The following USP13 variants were observed in gnomAD, a reference collection of about 807,000 sequenced individuals.
The protein encoded by USP13 is ubiquitin carboxyl-terminal hydrolase 13.
A neutral mutation model predicts 107.8 loss-of-function variants in USP13; 68 were observed. The observed-to-expected ratio is 0.63, with a 90% CI of 0.52 to 0.77. USP13 has a LOEUF of 0.77. USP13 is among the 30% of genes least tolerant of loss of function. The pLI is 0.00. For missense variants in USP13, 945 were observed against 1,093.3 expected, an observed-to-expected ratio of 0.86 and a Z score of 1.91; for synonymous variants, 377 against 389.5, an observed-to-expected ratio of 0.97 and a Z score of 0.38.
At chr3:179,726,825 G>A (rs1319745488) in intron 8 of USP13, among the ~76,000 whole-genome samples, 1 of 152,030 alleles carries the variant, frequency 6.6e-6, no homozygotes, top group African/African-American at 2.4e-5. Context: ...TTATAGGTAT[G>A]TACCACTGCA....
chr3:179,715,275 C>G (rs997041779), intron 6 of USP13, among the ~76,000 whole-genome samples: 1 of 151,870 alleles, frequency 6.6e-6, no homozygotes, highest in East Asian at 1.9e-4. Flanking sequence ...ATCCTCCTGC[C>G]TCAGCCTCTA....
At chr3:179,771,596 C>T (rs1197011009) in intron 19 of USP13, among the ~76,000 whole-genome samples, 1 of 152,148 alleles carries the variant, frequency 6.6e-6, no homozygotes, top group African/African-American at 2.4e-5. Context: ...TCTGATGCAG[C>T]TTAAACTTGA....
In USP13 at chr3:179,721,489, A is replaced by T. The variant is rs767730201; in HGVS notation, c.988A>T (p.Met330Leu). ...GGAGTCGGGCACGAAACTGAAGCCA[A>T]TGTATGGTCCTGGCTACACGGGTCT... ...IQESGTKLKP[M>L]YGPGYTGLKN... The change falls in exon 8 of 21, where the codon ATG (methionine) becomes TTG (leucine). Residue 330 changes from methionine (M) to leucine (L), a missense_variant. By Grantham distance (15) the Met-to-Leu change is conservative. Coordinates refer to ENST00000263966, the MANE Select transcript of USP13 (RefSeq NM_003940.3). The surrounding 1 kb of genome is among the most constrained non-coding windows in gnomAD (Gnocchi z 4.3). 1 of 1,614,190 alleles carries T rather than the reference A, an allele frequency of 6.2e-7. No homozygotes were observed. Among genetic ancestry groups the T allele is most frequent in the Non-Finnish European group, 8.5e-7 (1 of 1,180,036 alleles).
intron 19 of USP13, 30 bp downstream of exon 19, chr3:179,765,878 C>A (rs374791223): frequency 6.2e-7 from 1 of 1,608,066 alleles, no homozygotes; most frequent in South Asian, 1.1e-5. Context: ...GCTGTCTGAG[C>A]AGTCAGAACT....
intron 1 of USP13, among the ~76,000 whole-genome samples, chr3:179,661,894 T>C (rs1720467395): frequency 6.6e-6 from 1 of 152,120 alleles, no homozygotes; most frequent in African/African-American, 2.4e-5. Flanking sequence ...ACCTGGTCGA[T>C]GTGAGGTTTT....
chr3:179,776,912 G>T (rs1341444800), intron 19 of USP13, among the ~76,000 whole-genome samples: 9 of 121,772 alleles, frequency 7.4e-5, no homozygotes, highest in Non-Finnish European at 1.3e-4. Flanking sequence ...ACTTAGAGAA[G>T]AATCAACAGT....
intron 1 of USP13, among the ~76,000 whole-genome samples, chr3:179,676,273 G>A (rs1178182303): frequency 6.6e-6 from 1 of 152,150 alleles, no homozygotes; most frequent in African/African-American, 2.4e-5. Flanking sequence ...TTTCATTATA[G>A]TAGTGTGAGA....
chr3:179,655,675 C>T (rs1464068758), intron 1 of USP13, among the ~76,000 whole-genome samples: 2 of 151,906 alleles, frequency 1.3e-5, no homozygotes, highest in African/African-American at 4.8e-5. Context: ...CTGCCTCAGC[C>T]TGCCAAGTAG....
chr3:179,667,456 T>G (rs1720619924), intron 1 of USP13, among the ~76,000 whole-genome samples: 1 of 152,224 alleles, frequency 6.6e-6, no homozygotes, highest in African/African-American at 2.4e-5. Context: ...ACAAGGTGGT[T>G]TCACATTTTC....
rs767852856 is a variant in USP13 at position 179,757,019 on chromosome 3, G to T, written c.1922-33G>T. The T allele has an allele frequency of 4.0e-5, 64 of 1,612,820 alleles. No homozygotes were observed. In the South Asian group the frequency reaches 6.9e-4, roughly 17 times the overall value. On this transcript the variant is annotated intron_variant, in intron 15 of 20. Transcript: ENST00000263966. ...TTCTAAAACTCCTCAACATGGTTTG[G>T]TCTCATTTTCTGTCCTCTCCCTTAA...
rs370742776 is a variant in USP13 at position 179,754,848 on chromosome 3, T to C, written c.1915T>C (p.Ser639Pro). The C allele has an allele frequency of 4.3e-6, 7 of 1,609,538 alleles. No homozygotes were observed. The highest frequency in any genetic ancestry group is 1.1e-5 in the South Asian group (1 of 89,924). Residue 639 changes from serine to proline, a missense_variant, in exon 15 of 21, where the codon TCA (serine) becomes CCA (proline). By Grantham distance (74) the Ser-to-Pro change is moderately conservative. Transcript: ENST00000263966. ...ISPPIVIPDD[S>P]KDRLMNQLID... is the part of the protein sequence containing the mutation. ...CCCCCCCATAGTCATTCCTGATGAC[T>C]CAAAAGGTACCATCTCCTGCCAGGA...
intron 8 of USP13, among the ~76,000 whole-genome samples, chr3:179,728,027 T>C (rs1481408356): frequency 2.3e-4 from 9 of 39,896 alleles, no homozygotes; most frequent in East Asian, 1.2e-3. Flanking sequence ...GGGGGGCTGA[T>C]CCCCACCACC....
At position 179,730,672 on chromosome 3, in the gene USP13, C is replaced by A; in HGVS notation, c.1217C>A (p.Ser406Tyr). The change falls in exon 10 of 21, where the codon TCT (serine) becomes TAT (tyrosine). Residue 406 changes from serine to tyrosine, a missense_variant. Physicochemically the swap from Ser to Tyr is moderately radical, Grantham distance 144. Coordinates refer to ENST00000263966, the MANE Select transcript of USP13 (RefSeq NM_003940.3). ...CAGTATTCAAAGCCTCCGGTGAAAT[C>A]TGAACTCATTGAACAGGTGATGAAG... is the stretch of plus-strand genomic sequence containing the variant. Reference protein sequence around the residue: ...SGQYSKPPVKSELIEQVMKEE... With the variant: ...SGQYSKPPVKYELIEQVMKEE... The A allele has an allele frequency of 3.1e-6, 5 of 1,614,150 alleles. No individual in the cohort carries two copies. The highest frequency in any genetic ancestry group is 4.2e-6 in the Non-Finnish European group (5 of 1,180,004).
At chr3:179,754,664 T>A (rs780937980) in intron 14 of USP13, 68 bp from the exon 15 acceptor site, 292 of 1,553,170 alleles carry the variant, frequency 1.9e-4, no homozygotes, top group Non-Finnish European at 2.5e-4. Flanking sequence ...CATGTAGAGT[T>A]ATAGTGCTGG....
intron 1 of USP13, among the ~76,000 whole-genome samples, chr3:179,668,476 C>T (rs947536602): frequency 1.3e-5 from 2 of 152,212 alleles, no homozygotes; most frequent in Admixed American, 6.5e-5. Context: ...TTGGATTTTG[C>T]AACTATTGTA....
At chr3:179,743,932 T>TG (rs1175617728) in intron 12 of USP13, among the ~76,000 whole-genome samples, 9 of 151,154 alleles carry the variant, frequency 6.0e-5, no homozygotes, top group Non-Finnish European at 7.4e-5. Context: ...AGGAGTTTTT[T>TG]TTTTTTTTTT....
At chr3:179,760,370 G>A (rs542353170) in intron 16 of USP13, among the ~76,000 whole-genome samples, 15 of 143,504 alleles carry the variant, frequency 1.0e-4, no homozygotes, top group African/African-American at 3.4e-4. Flanking sequence ...TGCAAGCTCC[G>A]CCTCCTGAGT....
chr3:179,764,735 T>G (rs757929408), intron 18 of USP13, among the ~76,000 whole-genome samples: 1 of 152,174 alleles, frequency 6.6e-6, no homozygotes, highest in Non-Finnish European at 1.5e-5. Flanking sequence ...GCAGTGCTGA[T>G]ATCTGTTTAA....
At chr3:179,693,867 C>T (rs376676674) in intron 3 of USP13, among the ~76,000 whole-genome samples, 24 of 150,076 alleles carry the variant, frequency 1.6e-4, no homozygotes, top group Middle Eastern at 3.6e-3. Flanking sequence ...TTTGTAGAGA[C>T]GAGGTTTCAC....
Sources: gnomAD v4.1 joint callset for allele counts (sites outside exome capture counted in the v4.1 genomes callset) on GRCh38, gnomAD v4.1.1 for gene constraint, Gnocchi (gnomAD v3.1) non-coding constraint, MANE v1.5 for transcripts, NCBI Gene and HGNC (gene_info 2026-07-23, HGNC 2026-07-21) for gene names.